Variants in KAZN observed in about 807,000 individuals in gnomAD.
KAZN encodes kazrin, periplakin interacting protein.
In KAZN, 40 loss-of-function variants were observed where a neutral mutation model predicts 87.4. The observed-to-expected ratio is 0.46, with a 90% CI of 0.36 to 0.60. The LOEUF (loss-of-function observed/expected upper bound fraction) is 0.60. Ranked by LOEUF, KAZN falls within the 20% of genes least tolerant of loss-of-function variation. KAZN has a pLI of 0.00. For missense variants in KAZN, 898 were observed against 1,073.9 expected, an observed-to-expected ratio of 0.84 and a Z score of 2.29; for synonymous variants, 466 against 458.3, an observed-to-expected ratio of 1.02 and a Z score of -0.22.
Position 15,081,828 on chromosome 1 carries a change from G to A in KAZN, c.1223-12352G>A, listed in dbSNP as rs567404877. Among the ~76,000 whole-genome samples the A allele has an allele frequency of 2.6e-4, 40 of 152,254 alleles. No homozygotes were observed. The highest frequency in any genetic ancestry group is 2.6e-3 in the Admixed American group (39 of 15,292). On this transcript the variant is annotated intron_variant, in intron 8 of 14. Coordinates refer to ENST00000376030, the MANE Select transcript of KAZN (RefSeq NM_201628.3). The surrounding 1 kb of genome is among the most constrained non-coding windows in gnomAD (Gnocchi z 4.1). ...GGGGTGAGAAGCTAAGGATGAAGCT[G>A]GCAAGGTCGGCCTGTGGGTCACAGC...
At chr1:14,710,568 C>T (rs1444016091) in intron 1 of KAZN, among the ~76,000 whole-genome samples, 1 of 152,172 alleles carries the variant, frequency 6.6e-6, no homozygotes. Context: ...TGGGTCCCAC[C>T]TCAGGGCCTT....
intron 2 of KAZN, among the ~76,000 whole-genome samples, chr1:14,452,463 G>A (rs1667329729): frequency 6.6e-6 from 1 of 152,168 alleles, no homozygotes; most frequent in African/African-American, 2.4e-5. Flanking sequence ...ATTTATCAAA[G>A]CCTGGTCAAT....
intron 1 of KAZN, among the ~76,000 whole-genome samples, chr1:14,683,510 G>A (rs10218760): frequency 0.49 from 75,181 of 151,940 alleles, 18,792 homozygotes; most frequent in South Asian, 0.62. Flanking sequence ...CTTCCCCTAC[G>A]TTTTCTCCAC....
chr1:13,930,924 T>C (rs146019718), intron 1 of KAZN, among the ~76,000 whole-genome samples: 1 of 152,174 alleles, frequency 6.6e-6, no homozygotes. Flanking sequence ...GTCAAGATAA[T>C]GCCCACAGAT....
chr1:14,718,043 C>T (rs1642893583), intron 1 of KAZN, among the ~76,000 whole-genome samples: 1 of 152,216 alleles, frequency 6.6e-6, no homozygotes, highest in Admixed American at 6.5e-5. Flanking sequence ...ACTGGGGTAG[C>T]ACCGCCAAAG....
intron 1 of KAZN, among the ~76,000 whole-genome samples, chr1:14,881,500 A>G (rs1323763385): frequency 6.6e-6 from 1 of 152,200 alleles, no homozygotes; most frequent in African/African-American, 2.4e-5. Context: ...CGAATCTTCC[A>G]TTTGTTCATG....
At chr1:13,987,252 A>G (rs1170709742) in intron 1 of KAZN, among the ~76,000 whole-genome samples, 1 of 152,064 alleles carries the variant, frequency 6.6e-6, no homozygotes, top group Non-Finnish European at 1.5e-5. Flanking sequence ...TGCTGCACCT[A>G]TCAACCTGTC....
chr1:14,205,297 G>A (rs546268806), intron 2 of KAZN, among the ~76,000 whole-genome samples: 1 of 152,272 alleles, frequency 6.6e-6, no homozygotes, highest in Admixed American at 6.5e-5. Context: ...GGCACAGGGA[G>A]CAAAGTCCCT....
Position 14,337,521 on chromosome 1 carries a change from T to C in KAZN, c.249+156929T>C, listed in dbSNP as rs1039116871. Among the ~76,000 whole-genome samples, 22 of 152,368 alleles carry C rather than the reference T, an allele frequency of 1.4e-4. No individual in the cohort carries two copies. The East Asian group carries it at 3.7e-3, about 25-fold the overall frequency. On this transcript the variant is annotated intron_variant, in intron 2 of 16. Transcript: ENST00000636203. Reference sequence around the variant, plus strand: ...GTTTTAGATGCATGTAAACAGAATCTGAAATCCCTAAAATTGTCCTCCTTT... The same window carrying C: ...GTTTTAGATGCATGTAAACAGAATCCGAAATCCCTAAAATTGTCCTCCTTT...
intron 1 of KAZN, among the ~76,000 whole-genome samples, chr1:14,065,309 C>G (rs1570652137): frequency 1.3e-5 from 2 of 152,108 alleles, no homozygotes; most frequent in East Asian, 3.9e-4. Context: ...GGCATAGTTC[C>G]AAAACCTTAG....
At chr1:14,022,114 G>A (rs999788833) in intron 1 of KAZN, among the ~76,000 whole-genome samples, 1 of 152,050 alleles carries the variant, frequency 6.6e-6, no homozygotes, top group Non-Finnish European at 1.5e-5. Context: ...GTGGTGATGA[G>A]GGTAGGTGAG....
chr1:15,060,388 C>A, intron 6 of KAZN, 86 bp downstream of exon 6: 1 of 1,547,306 alleles, frequency 6.5e-7, no homozygotes, highest in African/African-American at 1.4e-5. Flanking sequence ...GCCATACTCG[C>A]TGTTTCCTCT....
intron 2 of KAZN, among the ~76,000 whole-genome samples, chr1:14,583,126 G>T (rs1010571988): frequency 6.6e-6 from 1 of 152,144 alleles, no homozygotes; most frequent in Non-Finnish European, 1.5e-5. Context: ...TTGTCATTCC[G>T]CAGATGAGAA....
At chr1:14,212,773 AG>A (rs927781680) in intron 2 of KAZN, among the ~76,000 whole-genome samples, 3 of 152,202 alleles carry the variant, frequency 2.0e-5, no homozygotes, top group African/African-American at 7.2e-5. Context: ...TGTTCCTTCC[AG>A]TAGGAAATTT....
chr1:14,296,333 G>A (rs1485984519), intron 2 of KAZN, among the ~76,000 whole-genome samples: 1 of 152,194 alleles, frequency 6.6e-6, no homozygotes, highest in Non-Finnish European at 1.5e-5. Context: ...AAAGGCCCCA[G>A]TGGGTAAGAG....
chr1:14,259,571 G>A (rs1023375663), intron 2 of KAZN, among the ~76,000 whole-genome samples: 2 of 152,194 alleles, frequency 1.3e-5, no homozygotes, highest in African/African-American at 4.8e-5. Context: ...TGGCCTGGCT[G>A]TGGTTCAGGA....
At chr1:13,906,176 TG>T (rs1446826421) in intron 1 of KAZN, among the ~76,000 whole-genome samples, 1 of 152,264 alleles carries the variant, frequency 6.6e-6, no homozygotes, top group African/African-American at 2.4e-5. Context: ...GGGATTAGGA[TG>T]TAAATGTCTT....
At chr1:14,102,455 A>G (rs769921791) in intron 1 of KAZN, among the ~76,000 whole-genome samples, 48 of 151,214 alleles carry the variant, frequency 3.2e-4, no homozygotes, top group Admixed American at 1.5e-3. Flanking sequence ...GATAGAAAGA[A>G]CCTGGGGAAA....
intron 1 of KAZN, among the ~76,000 whole-genome samples, chr1:14,825,946 G>A (rs1442031082): frequency 6.6e-6 from 1 of 152,224 alleles, no homozygotes; most frequent in East Asian, 1.9e-4. Context: ...CCAGCACGTA[G>A]CAGGTGCTCA....
Sources: allele counts gnomAD v4.1 joint callset (sites outside exome capture counted in the v4.1 genomes callset), GRCh38; gene constraint gnomAD v4.1.1; non-coding constraint Gnocchi (gnomAD v3.1); transcripts MANE v1.5; gene names NCBI Gene and HGNC (gene_info 2026-07-23, HGNC 2026-07-21).